Variants in NBEA observed in about 807,000 individuals in gnomAD.
NBEA encodes lysosomal-trafficking regulator 2.
Under a neutral mutation model 343.4 loss-of-function variants are expected in NBEA, and 44 were observed. The observed-to-expected ratio is 0.13, with a 90% CI of 0.10 to 0.16. The LOEUF is 0.16. Ranked by LOEUF, NBEA falls within the 10% of genes least tolerant of loss-of-function variation. The probability of loss-of-function intolerance (pLI) is 1.00; values close to 1 mark genes in which losing one functional copy is unlikely to be tolerated. For missense variants in NBEA, 2,555 were observed against 3,631.3 expected, an observed-to-expected ratio of 0.70 and a Z score of 7.62; for synonymous variants, 1,175 against 1,238.7, an observed-to-expected ratio of 0.95 and a Z score of 1.08.
At chr13:35,254,587 G>T (rs1367673708) in intron 34 of NBEA, among the ~76,000 whole-genome samples, 1 of 151,848 alleles carries the variant, frequency 6.6e-6, no homozygotes, top group Non-Finnish European at 1.5e-5. Context: ...CTCCCAAACT[G>T]TTGAAATTAC....
intron 48 of NBEA, among the ~76,000 whole-genome samples, chr13:35,612,469 T>C (rs989474463): frequency 5.9e-5 from 9 of 152,180 alleles, no homozygotes; most frequent in African/African-American, 2.2e-4. Flanking sequence ...ACTAATGATA[T>C]TGAGCATCTC....
At chr13:35,180,280 G>A (rs185663772) in intron 28 of NBEA, among the ~76,000 whole-genome samples, 5 of 151,756 alleles carry the variant, frequency 3.3e-5, no homozygotes, top group African/African-American at 1.2e-4. Context: ...GTTTTACCTA[G>A]CTTATAAAAG....
chr13:35,120,618 G>C lies in NBEA; in HGVS notation c.2243+2144G>C, dbSNP rs191567239. 1.2e-3 allele frequency among the ~76,000 whole-genome samples: 180 copies of C among 152,268 alleles called. 1 individual carries two copies. Among genetic ancestry groups the C allele is most frequent in the Admixed American group, 7.7e-3 (118 of 15,292 alleles). On this transcript the variant is annotated intron_variant, in intron 16 of 58. Transcript: ENST00000379939. The stretch of plus-strand genomic sequence containing the variant: ...TCATACAGTTGAATTCAGTATAACA[G>C]TTGAACAAAAAGAATGAACTCAGTT...
intron 10 of NBEA, among the ~76,000 whole-genome samples, chr13:35,083,881 G>A (rs572597171): frequency 2.6e-5 from 4 of 152,024 alleles, no homozygotes; most frequent in Non-Finnish European, 5.9e-5. Context: ...GATGGAGGAA[G>A]ATCTACCAAG....
At chr13:35,037,249 T>C (rs879429469) in intron 1 of NBEA, among the ~76,000 whole-genome samples, 16 of 152,312 alleles carry the variant, frequency 1.1e-4, no homozygotes, top group Non-Finnish European at 1.6e-4. Context: ...TTTTTAAAAA[T>C]TATTTAAATA....
chr13:35,360,790 A>G (rs1320105959), intron 38 of NBEA, among the ~76,000 whole-genome samples: 1 of 152,044 alleles, frequency 6.6e-6, no homozygotes, highest in Non-Finnish European at 1.5e-5. Flanking sequence ...ACAAAATTTT[A>G]TAATTGAAGA....
intron 8 of NBEA, among the ~76,000 whole-genome samples, chr13:35,065,304 T>C (rs1402765704): frequency 1.3e-5 from 2 of 152,030 alleles, no homozygotes; most frequent in Non-Finnish European, 2.9e-5. Context: ...GCATGAGGTA[T>C]TGGTATTGAA....
At chr13:34,980,016 G>T (rs1002543264) in intron 1 of NBEA, among the ~76,000 whole-genome samples, 4 of 152,116 alleles carry the variant, frequency 2.6e-5, no homozygotes, top group African/African-American at 4.8e-5. Context: ...TGAATGATGT[G>T]TAAGTATGAG....
intron 38 of NBEA, among the ~76,000 whole-genome samples, chr13:35,403,328 G>T (rs2152908618): frequency 6.6e-6 from 1 of 152,084 alleles, no homozygotes; most frequent in African/African-American, 2.4e-5. Flanking sequence ...TTGCAAAGCT[G>T]CATGAGGTGA....
At chr13:35,647,016 TAATA>T (rs1436794698) in intron 51 of NBEA, among the ~76,000 whole-genome samples, 3 of 152,348 alleles carry the variant, frequency 2.0e-5, no homozygotes, top group Non-Finnish European at 2.9e-5. Flanking sequence ...AATAAGTTCT[TAATA>T]AATGTGAGCT....
At chr13:35,484,372 C>T (rs2076236525) in intron 41 of NBEA, among the ~76,000 whole-genome samples, 1 of 150,730 alleles carries the variant, frequency 6.6e-6, no homozygotes, top group Non-Finnish European at 1.5e-5. Context: ...CCTTAACCTG[C>T]ATTTGATAAA....
At chr13:35,359,652 C>T (rs2040695073) in intron 38 of NBEA, among the ~76,000 whole-genome samples, 1 of 151,966 alleles carries the variant, frequency 6.6e-6, no homozygotes, top group South Asian at 2.1e-4. Context: ...ATGAGAGATC[C>T]TTTAACATGC....
chr13:35,257,675 T>A (rs1200828389), intron 34 of NBEA, among the ~76,000 whole-genome samples: 1 of 152,184 alleles, frequency 6.6e-6, no homozygotes, highest in Non-Finnish European at 1.5e-5. Flanking sequence ...TGTATATAAG[T>A]GGTAAACTAT....
Position 35,196,236 on chromosome 13 carries a change from A to G in NBEA, c.5300A>G (p.Tyr1767Cys). ...IAECGPEPIPYPDPALKRETQ... is the reference protein window; with the variant it reads ...IAECGPEPIPCPDPALKRETQ... ...GAATGTGGCCCTGAACCTATCCCAT[A>G]CCCAGATCCAGCATTGAAGAGAGAA... The change falls in exon 31 of 59, where the codon TAC (tyrosine) becomes TGC (cysteine). Residue 1767 changes from tyrosine to cysteine, a missense_variant. Physicochemically the swap from Tyr to Cys is radical, Grantham distance 194. Around this residue, in one of 21 missense-constraint regions of NBEA, gnomAD observed 270 missense variants for 293.3 expected, o/e 0.92. Coordinates refer to ENST00000379939, the MANE Select transcript of NBEA (RefSeq NM_001385012.1). 1 of 1,613,562 alleles carries G rather than the reference A, an allele frequency of 6.2e-7. No individual in the cohort carries two copies. Among genetic ancestry groups the G allele is most frequent in the Non-Finnish European group, 8.5e-7 (1 of 1,179,680 alleles).
At chr13:35,655,898 T>G in intron 55 of NBEA, 149 bp downstream of exon 55, 1 of 664,510 alleles carries the variant, frequency 1.5e-6, no homozygotes, top group South Asian at 2.0e-5. Flanking sequence ...GGAACGTAGC[T>G]ATGTTCAAAG....
intron 34 of NBEA, among the ~76,000 whole-genome samples, chr13:35,248,088 T>C (rs1593921978): frequency 6.6e-6 from 1 of 152,160 alleles, no homozygotes; most frequent in Non-Finnish European, 1.5e-5. Flanking sequence ...TACAACAGGA[T>C]AGAATATTTG....
At chr13:35,156,901 T>A (rs2069210044) in intron 20 of NBEA, among the ~76,000 whole-genome samples, 177 bp from the exon 21 acceptor site, 1 of 152,184 alleles carries the variant, frequency 6.6e-6, no homozygotes. Context: ...TTTTTCCTGG[T>A]AGAGAAATAA....
chr13:35,219,954 T>C (rs1034627246), intron 33 of NBEA, among the ~76,000 whole-genome samples: 6 of 152,170 alleles, frequency 3.9e-5, no homozygotes, highest in Non-Finnish European at 5.9e-5. Flanking sequence ...CCCAGAGTGC[T>C]GTTTAATCAA....
At position 35,159,177 on chromosome 13, in the gene NBEA, G is replaced by T. The variant is rs867979381; in HGVS notation, c.3006G>T (p.Glu1002Asp). ...CAAAAGGTGGAATGGAAATTCGAGA[G>T]ATAGAAGATCTTTCACAAAGCCAGA... is the stretch of plus-strand genomic sequence containing the variant. Reference protein sequence around the residue: ...TGAKGGMEIREIEDLSQSQSP... With the variant: ...TGAKGGMEIRDIEDLSQSQSP... The change falls in exon 22 of 59, where the codon GAG becomes GAT. Residue 1002 changes from glutamate to aspartate, a missense_variant. By Grantham distance (45) the Glu-to-Asp change is conservative. Around this residue, in one of 21 missense-constraint regions of NBEA, gnomAD observed 367 missense variants for 377.5 expected, o/e 0.97. Transcript: ENST00000379939. 4 of 1,613,534 alleles carry T rather than the reference G, an allele frequency of 2.5e-6. No individual in the cohort carries two copies. In the Middle Eastern group the frequency reaches 6.6e-4, roughly 266 times the overall value.
Sources: gnomAD v4.1 joint callset for allele counts (sites outside exome capture counted in the v4.1 genomes callset) on GRCh38, gnomAD v4.1.1 for gene constraint, gnomAD v4.1.1 regional missense constraint, MANE v1.5 for transcripts, NCBI Gene and HGNC (gene_info 2026-07-23, HGNC 2026-07-21) for gene names.